The following MST1R variants were observed in gnomAD, a reference collection of about 807,000 sequenced individuals.
The protein encoded by MST1R is macrophage stimulating 1 receptor, also known as macrophage-stimulating protein receptor.
In MST1R, 99 loss-of-function variants were observed where a neutral mutation model predicts 117.8. That is an observed-to-expected ratio of 0.84 (90% confidence interval 0.71 to 0.99). The LOEUF is 0.99. MST1R is among the 50% of genes least tolerant of loss of function. The probability of loss-of-function intolerance (pLI) is 0.00; values close to 1 mark genes in which losing one functional copy is unlikely to be tolerated. For missense variants in MST1R, 1,683 were observed against 1,840.2 expected, an observed-to-expected ratio of 0.91 and a Z score of 1.56; for synonymous variants, 734 against 765.3, an observed-to-expected ratio of 0.96 and a Z score of 0.68.
rs923461894 is a variant in MST1R, at chr3:49,887,562, C to T, written c.3948G>A (p.Leu1316=). 3 of 1,613,546 alleles carry T rather than the reference C, an allele frequency of 1.9e-6. No homozygotes were observed. In the African/African-American group the frequency reaches 4.0e-5, roughly 21 times the overall value. ...LPQPEYCPDS[L]YQVMQQCWEA... Reference sequence around the variant, plus strand: ...CCCAGCATTGCTGCATCACTTGGTACCTGTTGGGGGAAAGGGATGTCAGGT... The same window carrying T: ...CCCAGCATTGCTGCATCACTTGGTATCTGTTGGGGGAAAGGGATGTCAGGT... Residue 1316 remains leucine (L), a splice_region_variant and synonymous_variant, in exon 20 of 20, where the codon CTG becomes CTA. Coordinates refer to ENST00000296474, the MANE Select transcript of MST1R (RefSeq NM_002447.4).
Position 49,898,861 on chromosome 3 carries a change from C to T in MST1R, c.1548+6G>A. 1 of 1,614,036 alleles carries T rather than the reference C, an allele frequency of 6.2e-7. No homozygotes were observed. Among genetic ancestry groups the T allele is most frequent in the Non-Finnish European group, 8.5e-7 (1 of 1,180,026 alleles). ...TGGCCCCAGGCCCTGCCCCTGCCCACCTCACCTGGTCCCCAGAGGCAAAGA... is the reference window on the plus strand; with the variant it reads ...TGGCCCCAGGCCCTGCCCCTGCCCATCTCACCTGGTCCCCAGAGGCAAAGA... On this transcript the variant is annotated splice_donor_region_variant and intron_variant, in intron 3 of 19. Coordinates refer to ENST00000296474, the MANE Select transcript of MST1R (RefSeq NM_002447.4).
Position 49,895,337 on chromosome 3 carries a change from C to T in MST1R, c.3101G>A (p.Cys1034Tyr), listed in dbSNP as rs372766759. Residue 1034 changes from cysteine (C) to tyrosine (Y), a missense_variant, in exon 14 of 20, where the codon TGT (cysteine) becomes TAT (tyrosine). Transcript: ENST00000296474. ...PAIDGLDSTT[C>Y]VHGASFSDSE... is the part of the protein sequence containing the mutation. The stretch of plus-strand genomic sequence containing the variant: ...ATCGGAGAAGGATGCTCCATGGACA[C>T]AAGTGGTGGAATCCAGACCATCAAT... 9 of 1,614,080 alleles carry T rather than the reference C, an allele frequency of 5.6e-6. No individual in the cohort carries two copies. In the African/African-American group the frequency reaches 8.0e-5, roughly 14 times the overall value.
rs756120059 is a variant in MST1R, at chr3:49,903,302, G to A, written c.308C>T (p.Thr103Met). 4.3e-6 allele frequency: 7 copies of A among 1,612,498 alleles called. No homozygotes were observed. The highest frequency in any genetic ancestry group is 2.2e-5 in the South Asian group (2 of 91,088). The change falls in exon 1 of 20, where the codon ACG (threonine) becomes ATG (methionine). Residue 103 changes from threonine (T) to methionine (M), a missense_variant. Thr to Met is a moderately conservative substitution (Grantham distance 81). Transcript: ENST00000296474. Reference sequence around the variant, plus strand: ...GGGTCCTGGGCCACAGGCTGCACACGTCTGGCAGCCAGGGTCTCCAGCAGG... The same window carrying A: ...GGGTCCTGGGCCACAGGCTGCACACATCTGGCAGCCAGGGTCTCCAGCAGG... ...TGPAGDPGCQ[T>M]CAACGPGPHG...
At position 49,896,602 on chromosome 3, in the gene MST1R, G is replaced by C. The variant is rs756528902; in HGVS notation, c.2377C>G (p.Leu793Val). The C allele has an allele frequency of 6.2e-7, 1 of 1,614,224 alleles. No individual in the cohort carries two copies. The highest frequency in any genetic ancestry group is 2.2e-5 in the East Asian group (1 of 44,888). Reference sequence around the variant, plus strand: ...AGCACTAAGTGCCATGCTGAAGTTAGATGCTGGCCACAGATGGTGATGTGG... The same window carrying C: ...AGCACTAAGTGCCATGCTGAAGTTACATGCTGGCCACAGATGGTGATGTGG... ...NSHITICGQH[L>V]TSAWHLVLSF... The change falls in exon 9 of 20, where the codon CTA becomes GTA. Residue 793 changes from leucine (L) to valine (V), a missense_variant. By Grantham distance (32) the Leu-to-Val change is conservative. Transcript: ENST00000296474.
intron 5 of MST1R, 99 bp downstream of exon 5, chr3:49,897,952 T>TC (rs755613042): frequency 1.3e-6 from 2 of 1,541,182 alleles, no homozygotes; most frequent in East Asian, 4.5e-5. Context: ...GCTTCCCCCA[T>TC]CCCCCCTTGC....
At chr3:49,888,882 G>A (rs1457734657) in intron 19 of MST1R, among the ~76,000 whole-genome samples, 1 of 152,242 alleles carries the variant, frequency 6.6e-6, no homozygotes, top group Non-Finnish European at 1.5e-5. Flanking sequence ...ACCCTATGGT[G>A]TGCCACCCAG....
chr3:49,899,659 C>G (rs894947636), intron 1 of MST1R: 1 of 184,704 alleles, frequency 5.4e-6, no homozygotes, highest in African/African-American at 2.5e-5. Flanking sequence ...CACTGCAACA[C>G]CTCCCGGGTT....
Position 49,891,231 on chromosome 3 carries a change from A to G in MST1R, c.3610T>C (p.Phe1204Leu), listed in dbSNP as rs1161204341. Residue 1204 changes from phenylalanine to leucine, a missense_variant, in exon 17 of 20, where the codon TTT becomes CTT. By Grantham distance (22) the Phe-to-Leu change is conservative (BLOSUM62 0). Transcript: ENST00000296474. ...RGMEYLAEQK[F>L]VHRDLAARNC... is the part of the protein sequence containing the mutation. ...CGCGCAGCCAGGTCCCTGTGCACAA[A>G]CTTCTGCTCTGCCAGGTACTCCATG... The G allele has an allele frequency of 6.2e-7, 1 of 1,613,794 alleles. No homozygotes were observed. Among genetic ancestry groups the G allele is most frequent in the Non-Finnish European group, 8.5e-7 (1 of 1,180,004 alleles).
Position 49,903,835 on chromosome 3 carries a change from C to A in MST1R, c.-226G>T, listed in dbSNP as rs1459434785. On this transcript the variant is annotated 5_prime_UTR_variant, in exon 1 of 20. Coordinates refer to ENST00000296474, the MANE Select transcript of MST1R (RefSeq NM_002447.4). ...CTGCGGACGCACGACAGCAACGCCC[C>A]AGCCGCCTCACCTGCCGCCCCAGCC... is the stretch of plus-strand genomic sequence containing the variant. The A allele has an allele frequency of 1.9e-5, 11 of 573,320 alleles. No individual in the cohort carries two copies. Among genetic ancestry groups the A allele is most frequent in the Non-Finnish European group, 3.2e-5 (11 of 339,786 alleles). 35.5% of individuals were successfully genotyped at this position (573,320 alleles called of 1,614,324 possible). A position where few individuals can be genotyped will look rare whatever the true frequency, so the allele number is the denominator to read the frequency against.
intron 14 of MST1R, among the ~76,000 whole-genome samples, chr3:49,892,138 G>A (rs571778658): frequency 1.3e-5 from 2 of 151,592 alleles, no homozygotes; most frequent in East Asian, 4.0e-4. Flanking sequence ...TAATTTTTTT[G>A]TATTTTTAGT....
In MST1R at chr3:49,890,470, C is replaced by T. The variant is rs1338764942; in HGVS notation, c.3810+15G>A. On this transcript the variant is annotated intron_variant, in intron 18 of 19. Coordinates refer to ENST00000296474, the MANE Select transcript of MST1R (RefSeq NM_002447.4). ...TGCCAAAGCCATGTGGACTGTAGGG[C>T]AGGTGGGGCCTCACCACATCAGACT... The T allele has an allele frequency of 1.2e-6, 2 of 1,604,120 alleles. No individual in the cohort carries two copies. The highest frequency in any genetic ancestry group is 2.7e-5 in the African/African-American group (2 of 74,706).
chr3:49,890,479 C>A lies in MST1R; in HGVS notation c.3810+6G>T, dbSNP rs1262362696. On this transcript the variant is annotated splice_donor_region_variant and intron_variant, in intron 18 of 19. Transcript: ENST00000296474. ...CATGTGGACTGTAGGGCAGGTGGGG[C>A]CTCACCACATCAGACTTGGTGGTAA... 6.2e-7 allele frequency: 1 copy of A among 1,609,550 alleles called. No homozygotes were observed. The highest frequency in any genetic ancestry group is 8.5e-7 in the Non-Finnish European group (1 of 1,177,170).
At chr3:49,888,345 A>C (rs947055720) in intron 19 of MST1R, among the ~76,000 whole-genome samples, 2 of 151,568 alleles carry the variant, frequency 1.3e-5, no homozygotes, top group Non-Finnish European at 2.9e-5. Context: ...CTGAGGCAGG[A>C]GAATGGCGTG....
intron 19 of MST1R, among the ~76,000 whole-genome samples, chr3:49,887,877 A>G (rs1296218765): frequency 6.6e-6 from 1 of 152,380 alleles, no homozygotes; most frequent in African/African-American, 2.4e-5. Context: ...CTGATCACAG[A>G]GAAGTAGGCA....
rs753129319 is a variant in MST1R, at chr3:49,896,829, G to C, written c.2245C>G (p.Leu749Val). 2 of 1,556,470 alleles carry C rather than the reference G, an allele frequency of 1.3e-6. No homozygotes were observed. Among genetic ancestry groups the C allele is most frequent in the Non-Finnish European group, 8.7e-7 (1 of 1,149,302 alleles). Residue 749 changes from leucine (L) to valine (V), a missense_variant, in exon 8 of 20, where the codon CTT becomes GTT. Transcript: ENST00000296474. ...PPGATVASVP[L>V]SLQVGGAQVP... is the part of the protein sequence containing the mutation. ...TGGGCACCCCCCACCTGCAGGCTAA[G>C]GGGGACACTGGCCACCGTGGCCCCA...
In MST1R at chr3:49,896,211, T is replaced by C; in HGVS notation, c.2633A>G (p.His878Arg). 1 of 1,614,172 alleles carries C rather than the reference T, an allele frequency of 6.2e-7. No individual in the cohort carries two copies. Among genetic ancestry groups the C allele is most frequent in the South Asian group, 1.1e-5 (1 of 91,082 alleles). Residue 878 changes from histidine (H) to arginine (R), a missense_variant, in exon 10 of 20, where the codon CAT becomes CGT. Coordinates refer to ENST00000296474, the MANE Select transcript of MST1R (RefSeq NM_002447.4). ...ANLVPLKPEEHAIKFEYIGLG... is the reference protein window; with the variant it reads ...ANLVPLKPEERAIKFEYIGLG... ...TACACTTACCTCAAACTTAATGGCA[T>C]GCTCCTCAGGCTTCAGTGGAACTAG... is the stretch of plus-strand genomic sequence containing the variant.
In MST1R at chr3:49,891,642, AATGGGAAATGAAGG is replaced by A. The variant is rs1490872434; in HGVS notation, c.3353-76_3353-63del. 2.5e-6 allele frequency: 4 copies of A among 1,609,810 alleles called. No individual in the cohort carries two copies. The African/African-American group carries it at 5.3e-5, about 22-fold the overall frequency. ...TCCCTTTATAAGGCTCAGATGGGGA[AATGGGAAATGAAGG>A]TCTCCTGCTCAGGGTCACTCAGTAA... On this transcript the variant is annotated intron_variant, in intron 15 of 19. Coordinates refer to ENST00000296474, the MANE Select transcript of MST1R (RefSeq NM_002447.4).
chr3:49,896,949 C>T, intron 7 of MST1R, 59 bp from the exon 8 acceptor site: 1 of 1,441,132 alleles, frequency 6.9e-7, no homozygotes, highest in Non-Finnish European at 9.2e-7. Context: ...AGGCCCACTT[C>T]TTCCAGGGGC....
intron 4 of MST1R, 29 bp downstream of exon 4, chr3:49,898,489 T>C (rs776298711): frequency 8.7e-6 from 14 of 1,609,664 alleles, no homozygotes; most frequent in Admixed American, 1.7e-5. Context: ...TGTCCCACTC[T>C]TACCTGTGCC....
Sources: allele counts gnomAD v4.1 joint callset (sites outside exome capture counted in the v4.1 genomes callset), GRCh38; gene constraint gnomAD v4.1.1; transcripts MANE v1.5; gene names NCBI Gene and HGNC (gene_info 2026-07-23, HGNC 2026-07-21).